Variants in TRH observed in about 807,000 individuals in gnomAD.
The protein encoded by TRH is thyrotropin releasing hormone, also known as TSH-releasing factor.
TRH carries 5 observed loss-of-function variants against 5.2 expected under a neutral mutation model. The observed-to-expected ratio is 0.95, with a 90% CI of 0.50 to 2.00. The LOEUF (loss-of-function observed/expected upper bound fraction) is 2.00. TRH is among the 30% of genes most tolerant of loss of function. The probability of loss-of-function intolerance (pLI) is 0.01; values close to 1 mark genes in which losing one functional copy is unlikely to be tolerated. For missense variants in TRH, 318 were observed against 312.8 expected (o/e 1.02, Z -0.13); for synonymous variants, 131 against 128.6 (o/e 1.02, Z -0.13).
chr3:129,977,244 T>C lies in TRH; in HGVS notation c.*28T>C. ...CCAGTTTTCCCTGAAGTCGAGTTTGTGGTCTAAGGATGTCTTGAGCCCTGT... is the reference window on the plus strand; with the variant it reads ...CCAGTTTTCCCTGAAGTCGAGTTTGCGGTCTAAGGATGTCTTGAGCCCTGT... On this transcript the variant is annotated 3_prime_UTR_variant, in exon 3 of 3. Transcript: ENST00000302649. 1 of 1,513,474 alleles carries C rather than the reference T, an allele frequency of 6.6e-7. No individual in the cohort carries two copies. Among genetic ancestry groups the C allele is most frequent in the Non-Finnish European group, 8.8e-7 (1 of 1,134,168 alleles). The allele number at this position is 1,513,474 out of a possible 1,614,324, so 93.8% of individuals were successfully genotyped here.
intron 1 of TRH, 83 bp downstream of exon 1, chr3:129,974,906 G>C (rs2062533453): frequency 6.6e-6 from 1 of 152,238 alleles, no homozygotes; most frequent in African/African-American, 2.4e-5. Flanking sequence ...CCTCACCTTC[G>C]GTTCTCTGAG....
Position 129,977,368 on chromosome 3 carries a change from C to T in TRH, c.*152C>T. The T allele has an allele frequency of 9.6e-7, 1 of 1,042,148 alleles. No homozygotes were observed. The highest frequency in any genetic ancestry group is 1.3e-6 in the Non-Finnish European group (1 of 779,200). The allele number at this position is 1,042,148 out of a possible 1,614,324, so 64.6% of individuals were successfully genotyped here. ...CCCCATATTCACACACATCCCAGCC[C>T]CTGGCCTTGCCCTCTTCCTTTAGGC... On this transcript the variant is annotated 3_prime_UTR_variant, in exon 3 of 3. Transcript: ENST00000302649.
At position 129,977,250 on chromosome 3, in the gene TRH, A is replaced by C. The variant is rs2062551425; in HGVS notation, c.*34A>C. On this transcript the variant is annotated 3_prime_UTR_variant, in exon 3 of 3. Transcript: ENST00000302649. ...TTCCCTGAAGTCGAGTTTGTGGTCT[A>C]AGGATGTCTTGAGCCCTGTGTGCCC... 1 of 1,510,998 alleles carries C rather than the reference A, an allele frequency of 6.6e-7. No homozygotes were observed. The highest frequency in any genetic ancestry group is 1.4e-5 in the South Asian group (1 of 73,046). The allele number at this position is 1,510,998 out of a possible 1,614,324, so 93.6% of individuals were successfully genotyped here. A position where few individuals can be genotyped will look rare whatever the true frequency, so the allele number is the denominator to read the frequency against.
chr3:129,976,200 C>G (rs2062542839), intron 2 of TRH, among the ~76,000 whole-genome samples, 173 bp downstream of exon 2: 1 of 152,256 alleles, frequency 6.6e-6, no homozygotes, highest in Admixed American at 6.5e-5. Context: ...TCCTCGGGGT[C>G]AGATTCCTCC....
rs2062540729 is a variant in TRH, at chr3:129,975,924, C to T, written c.108C>T (p.Ala36=). ...PEAAQQEAVT[A]AEHPGLDDFL... ...CGGCCCAGCAGGAGGCAGTGACGGC[C>T]GCGGAGCATCCGGGCCTGGATGACT... The change falls in exon 2 of 3, where the codon GCC becomes GCT. Residue 36 remains alanine, a synonymous_variant. Coordinates refer to ENST00000302649, the MANE Select transcript of TRH (RefSeq NM_007117.5). The T allele has an allele frequency of 2.5e-6, 4 of 1,613,430 alleles. No individual in the cohort carries two copies. The highest frequency in any genetic ancestry group is 2.7e-5 in the African/African-American group (2 of 74,934).
In TRH at chr3:129,975,968, G is replaced by A; in HGVS notation, c.152G>A (p.Arg51His). 6.2e-7 allele frequency: 1 copy of A among 1,614,138 alleles called. No individual in the cohort carries two copies. Among genetic ancestry groups the A allele is most frequent in the Non-Finnish European group, 8.5e-7 (1 of 1,180,000 alleles). Residue 51 changes from arginine (R) to histidine (H), a missense_variant, in exon 2 of 3, where the codon CGC becomes CAC. By Grantham distance (29) the Arg-to-His change is conservative. Transcript: ENST00000302649. Reference protein sequence around the residue: ...GLDDFLRQVERLLFLRENIQR... With the variant: ...GLDDFLRQVEHLLFLRENIQR... ...GATGACTTCCTGCGCCAGGTGGAGC[G>A]CCTCCTCTTCCTCCGGGAAAACATC...
At chr3:129,975,602 G>C (rs1185103487) in intron 1 of TRH, among the ~76,000 whole-genome samples, 1 of 152,230 alleles carries the variant, frequency 6.6e-6, no homozygotes, top group Non-Finnish European at 1.5e-5. Flanking sequence ...AGGCACCCGT[G>C]GGGGCGAGGA....
chr3:129,976,728 T>C lies in TRH; in HGVS notation c.241T>C (p.Ser81Pro), dbSNP rs768497875. 1.2e-6 allele frequency: 2 copies of C among 1,613,418 alleles called. No homozygotes were observed. The highest frequency in any genetic ancestry group is 2.7e-5 in the African/African-American group (2 of 74,746). ...ASQIFQSDWLSKRQHPGKREE... is the reference protein window; with the variant it reads ...ASQIFQSDWLPKRQHPGKREE... ...CCAGATCTTTCAATCTGACTGGCTCTCCAAACGTCAGCATCCAGGCAAAAG... is the reference window on the plus strand; with the variant it reads ...CCAGATCTTTCAATCTGACTGGCTCCCCAAACGTCAGCATCCAGGCAAAAG... Residue 81 changes from serine to proline, a missense_variant, in exon 3 of 3, where the codon TCC (serine) becomes CCC (proline). By Grantham distance (74) the Ser-to-Pro change is moderately conservative. Transcript: ENST00000302649.
intron 1 of TRH, 51 bp from the exon 2 acceptor site, chr3:129,975,758 G>A (rs2062538908): frequency 1.3e-6 from 2 of 1,502,254 alleles, no homozygotes; most frequent in East Asian, 2.5e-5. Flanking sequence ...GAGATGGAGC[G>A]GGATGTGCTG....
rs2062541669 is a variant in TRH, at chr3:129,976,015, G to T, written c.199G>T (p.Gly67Cys). ...CATCCAGCGGCTGCAAGGGGACCAG[G>T]GTGAGCACTCCGGTGAGTGGATGGG... ...ENIQRLQGDQ[G>C]EHSASQIFQS... The change falls in exon 2 of 3, where the codon GGT becomes TGT. Residue 67 changes from glycine (G) to cysteine (C), a missense_variant. Gly to Cys is a radical substitution (Grantham distance 159). Coordinates refer to ENST00000302649, the MANE Select transcript of TRH (RefSeq NM_007117.5). The T allele has an allele frequency of 6.2e-7, 1 of 1,614,046 alleles. No individual in the cohort carries two copies. The highest frequency in any genetic ancestry group is 8.5e-7 in the Non-Finnish European group (1 of 1,179,950).
At position 129,977,201 on chromosome 3, in the gene TRH, G is replaced by A. The variant is rs748373813; in HGVS notation, c.714G>A (p.Glu238=). Residue 238 remains glutamate, a synonymous_variant, in exon 3 of 3, where the codon GAG becomes GAA. Transcript: ENST00000302649. The stretch of plus-strand genomic sequence containing the variant: ...GTCGGCGGGCAGCCTGGGTCAGAGA[G>A]CCCCTGGAGGAGTGAACCCAGTTTT... ...HPGRRAAWVR[E]PLEE is the part of the protein sequence containing the mutation. The A allele has an allele frequency of 2.6e-6, 4 of 1,517,678 alleles. No individual in the cohort carries two copies. In the African/African-American group the frequency reaches 4.2e-5, roughly 16 times the overall value. The allele number at this position is 1,517,678 out of a possible 1,614,324, so 94.0% of individuals were successfully genotyped here. A position where few individuals can be genotyped will look rare whatever the true frequency, so the allele number is the denominator to read the frequency against.
chr3:129,976,153 C>G lies in TRH; in HGVS notation c.211+126C>G, dbSNP rs1438382653. On this transcript the variant is annotated intron_variant, in intron 2 of 2. Coordinates refer to ENST00000302649, the MANE Select transcript of TRH (RefSeq NM_007117.5). ...TGCCTTTCGGAAGCTCAGAAACCCT[C>G]CCTGGCTGCGCCTAGGCGGGATCTG... The G allele has an allele frequency of 4.2e-6, 5 of 1,179,658 alleles. No individual in the cohort carries two copies. The African/African-American group carries it at 7.7e-5, about 18-fold the overall frequency. 73.1% of individuals were successfully genotyped at this position (1,179,658 alleles called of 1,614,324 possible).
rs538153308 is a variant in TRH at position 129,976,555 on chromosome 3, G to A, written c.212-144G>A. Reference sequence around the variant, plus strand: ...TTGTGTGAATGTGTGTATCTGTGAGGCCTGAGGGGCAGGTGCAAGACCATG... The same window carrying A: ...TTGTGTGAATGTGTGTATCTGTGAGACCTGAGGGGCAGGTGCAAGACCATG... On this transcript the variant is annotated intron_variant, in intron 2 of 2. Coordinates refer to ENST00000302649, the MANE Select transcript of TRH (RefSeq NM_007117.5). The A allele has an allele frequency of 6.6e-6, 6 of 913,666 alleles. No homozygotes were observed. In the Admixed American group the frequency reaches 6.9e-5, roughly 11 times the overall value. 56.6% of individuals were successfully genotyped at this position (913,666 alleles called of 1,614,324 possible).
intron 1 of TRH, 72 bp from the exon 2 acceptor site, chr3:129,975,737 G>C: frequency 7.0e-7 from 1 of 1,434,444 alleles, no homozygotes; most frequent in Non-Finnish European, 9.4e-7. Context: ...TGTTTCTGGC[G>C]GGCGTCGGGG....
In TRH at chr3:129,977,178, C is replaced by T. The variant is rs563071218; in HGVS notation, c.691C>T (p.Arg231Trp). Residue 231 changes from arginine (R) to tryptophan (W), a missense_variant, in exon 3 of 3, where the codon CGG becomes TGG. Arg to Trp is a moderately radical substitution (Grantham distance 101). Transcript: ENST00000302649. ...TGAGGAAAAGCGGCAGCACCCTGGT[C>T]GGCGGGCAGCCTGGGTCAGAGAGCC... is the stretch of plus-strand genomic sequence containing the variant. ...GAEEKRQHPG[R>W]RAAWVREPLE... The T allele has an allele frequency of 4.5e-5, 68 of 1,519,254 alleles. No individual in the cohort carries two copies. Among genetic ancestry groups the T allele is most frequent in the Non-Finnish European group, 4.6e-5 (52 of 1,136,200 alleles). 94.1% of individuals were successfully genotyped at this position (1,519,254 alleles called of 1,614,324 possible).
chr3:129,975,949 T>C lies in TRH; in HGVS notation c.133T>C (p.Phe45Leu). ...CGCGGAGCATCCGGGCCTGGATGACTTCCTGCGCCAGGTGGAGCGCCTCCT... is the reference window on the plus strand; with the variant it reads ...CGCGGAGCATCCGGGCCTGGATGACCTCCTGCGCCAGGTGGAGCGCCTCCT... The part of the protein sequence containing the change: ...TAAEHPGLDD[F>L]LRQVERLLFL... The change falls in exon 2 of 3, where the codon TTC becomes CTC. Residue 45 changes from phenylalanine to leucine, a missense_variant. Phe to Leu is a conservative substitution (Grantham distance 22, BLOSUM62 0). Transcript: ENST00000302649. 6.2e-7 allele frequency: 1 copy of C among 1,614,032 alleles called. No homozygotes were observed. The highest frequency in any genetic ancestry group is 8.5e-7 in the Non-Finnish European group (1 of 1,179,970).
rs1284960918 is a variant in TRH at position 129,976,754 on chromosome 3, A to AGAG, written c.279_281dup (p.Glu95dup). ...CCAAACGTCAGCATCCAGGCAAAAG[A>AGAG]GAGGAGGAGGAGGAAGAGGGAGTTG... On this transcript the variant is annotated inframe_insertion, in exon 3 of 3. Transcript: ENST00000302649. 5.0e-6 allele frequency: 8 copies of AGAG among 1,613,710 alleles called. No individual in the cohort carries two copies. Among genetic ancestry groups the AGAG allele is most frequent in the African/African-American group, 1.3e-5 (1 of 74,782 alleles).
chr3:129,977,205 C>T lies in TRH; in HGVS notation c.718C>T (p.Leu240=), dbSNP rs1304624721. Residue 240 remains leucine (L), a synonymous_variant, in exon 3 of 3, where the codon CTG becomes TTG. Transcript: ENST00000302649. ...GRRAAWVREP[L]EE The stretch of plus-strand genomic sequence containing the variant: ...GCGGGCAGCCTGGGTCAGAGAGCCC[C>T]TGGAGGAGTGAACCCAGTTTTCCCT... The T allele has an allele frequency of 6.6e-6, 10 of 1,517,676 alleles. No individual in the cohort carries two copies. The highest frequency in any genetic ancestry group is 8.8e-6 in the Non-Finnish European group (10 of 1,135,830). The allele number at this position is 1,517,676 out of a possible 1,614,324, so 94.0% of individuals were successfully genotyped here. A position where few individuals can be genotyped will look rare whatever the true frequency, so the allele number is the denominator to read the frequency against.
chr3:129,977,124 C>G lies in TRH; in HGVS notation c.637C>G (p.Leu213Val). 6.5e-7 allele frequency: 1 copy of G among 1,548,786 alleles called. No homozygotes were observed. The highest frequency in any genetic ancestry group is 2.3e-5 in the East Asian group (1 of 44,124). ...YGQAGLLLGL[L>V]DDLSRSQGAE... ...TCAAGCGGGCCTTCTGCTGGGGCTC[C>G]TGGATGACCTGAGTAGGAGCCAGGG... Residue 213 changes from leucine (L) to valine (V), a missense_variant, in exon 3 of 3, where the codon CTG (leucine) becomes GTG (valine). Physicochemically the swap from Leu to Val is conservative, Grantham distance 32. Coordinates refer to ENST00000302649, the MANE Select transcript of TRH (RefSeq NM_007117.5).
Sources: gnomAD v4.1 joint callset for allele counts (sites outside exome capture counted in the v4.1 genomes callset) on GRCh38, gnomAD v4.1.1 for gene constraint, MANE v1.5 for transcripts, NCBI Gene and HGNC (gene_info 2026-07-23, HGNC 2026-07-21) for gene names.